Variants in AMD1 observed in about 807,000 individuals in gnomAD.
The protein encoded by AMD1 is S-adenosylmethionine decarboxylase proenzyme.
Under a neutral mutation model 40.2 loss-of-function variants are expected in AMD1, and 11 were observed. That is an observed-to-expected ratio of 0.27 (90% CI 0.17 to 0.45). The LOEUF (loss-of-function observed/expected upper bound fraction) is 0.45, where lower values mean the gene tolerates loss of function less well. Ranked by LOEUF, AMD1 falls within the 20% of genes least tolerant of loss-of-function variation. The pLI is 1.00. For synonymous variants in AMD1, 121 were observed against 130.8 expected, an observed-to-expected ratio of 0.93 and a Z score of 0.51; for missense variants, 257 against 410.2, an observed-to-expected ratio of 0.63 and a Z score of 3.23.
the AMD1 span, among the ~76,000 whole-genome samples, chr6:110,861,151 G>A: frequency 6.6e-6 from 1 of 152,150 alleles, no homozygotes; most frequent in Non-Finnish European, 1.5e-5. Context: ...GAGGTCAGGA[G>A]ATCGAGACCA....
At chr6:110,818,603 C>T in the AMD1 span, among the ~76,000 whole-genome samples, 10 of 152,192 alleles carry the variant, frequency 6.6e-5, no homozygotes, top group African/African-American at 7.2e-5. Context: ...TGCTGTGGCG[C>T]GATCTCACCT....
chr6:110,844,941 C>G, the AMD1 span, among the ~76,000 whole-genome samples: 1 of 151,716 alleles, frequency 6.6e-6, no homozygotes, highest in South Asian at 2.1e-4. Flanking sequence ...TTCTAATCAT[C>G]ACAGAAGGTG....
upstream of AMD1, among the ~76,000 whole-genome samples, chr6:110,870,478 C>T (rs1270205974): frequency 6.6e-6 from 1 of 152,022 alleles, no homozygotes; most frequent in Non-Finnish European, 1.5e-5. Flanking sequence ...CAAAAATTAG[C>T]CAGGCATGGT....
At chr6:110,885,636 T>A (rs1164878984) in intron 1 of AMD1, among the ~76,000 whole-genome samples, 3 of 152,188 alleles carry the variant, frequency 2.0e-5, no homozygotes, top group African/African-American at 7.2e-5. Flanking sequence ...ATCCCACATA[T>A]GTATTCTTTC....
chr6:110,829,112 G>A, the AMD1 span, among the ~76,000 whole-genome samples: 1 of 151,690 alleles, frequency 6.6e-6, no homozygotes, highest in African/African-American at 2.4e-5. Context: ...GGAGGTTGCA[G>A]TGAGCCGAGA....
At chr6:110,858,304 C>A in the AMD1 span, 1 of 814,678 alleles carries the variant, frequency 1.2e-6, no homozygotes, top group Non-Finnish European at 2.0e-6. Context: ...AGAACCGGCT[C>A]CTGTGCAAAT....
At chr6:110,826,700 T>C in the AMD1 span, among the ~76,000 whole-genome samples, 1 of 150,974 alleles carries the variant, frequency 6.6e-6, no homozygotes, top group Non-Finnish European at 1.5e-5. Context: ...TTTTTTTTTT[T>C]TTTTTGTGAG....
the AMD1 span, among the ~76,000 whole-genome samples, chr6:110,848,064 C>CTA: frequency 2.1e-3 from 314 of 152,034 alleles, 2 homozygotes; most frequent in African/African-American, 7.2e-3. Flanking sequence ...TAACTGGGTA[C>CTA]TATAGCCTTG....
chr6:110,876,497 G>C (rs939727516), intron 1 of AMD1, among the ~76,000 whole-genome samples: 2 of 152,226 alleles, frequency 1.3e-5, no homozygotes, highest in African/African-American at 4.8e-5. Context: ...AGGGAATCCA[G>C]GCAGACACGT....
At chr6:110,877,435 T>A (rs1583210728) in intron 1 of AMD1, among the ~76,000 whole-genome samples, 1 of 152,272 alleles carries the variant, frequency 6.6e-6, no homozygotes, top group South Asian at 2.1e-4. Flanking sequence ...GCAAAGAGAG[T>A]ATCATGGACG....
upstream of AMD1, among the ~76,000 whole-genome samples, chr6:110,870,009 C>T (rs1453911414): frequency 6.6e-6 from 1 of 152,154 alleles, no homozygotes; most frequent in Admixed American, 6.6e-5. Context: ...CCTCAGCCTC[C>T]CAAAGGGATG....
the AMD1 span, chr6:110,863,976 T>TG: frequency 2.2e-6 from 1 of 452,724 alleles, no homozygotes; most frequent in Non-Finnish European, 4.3e-6. Context: ...TTTTTTTTTT[T>TG]GAGACGGAGT....
At chr6:110,856,786 A>C in the AMD1 span, among the ~76,000 whole-genome samples, 2 of 152,330 alleles carry the variant, frequency 1.3e-5, no homozygotes, top group East Asian at 3.9e-4. Flanking sequence ...GGAGGGAAGA[A>C]GGGTCAGATC....
the AMD1 span, among the ~76,000 whole-genome samples, chr6:110,817,279 G>T: frequency 6.6e-6 from 1 of 152,144 alleles, no homozygotes; most frequent in African/African-American, 2.4e-5. Flanking sequence ...TACCTTATTT[G>T]CTACATCACC....
intron 1 of AMD1, among the ~76,000 whole-genome samples, chr6:110,880,149 G>T (rs1050960393): frequency 1.9e-4 from 29 of 152,128 alleles, no homozygotes; most frequent in African/African-American, 6.8e-4. Context: ...AAAAGACAGG[G>T]TTTCGCCATG....
At chr6:110,831,555 G>A in the AMD1 span, among the ~76,000 whole-genome samples, 7 of 151,740 alleles carry the variant, frequency 4.6e-5, no homozygotes, top group African/African-American at 1.2e-4. Context: ...TTCACCTTCC[G>A]AAGTGCCGGG....
chr6:110,877,157 C>T (rs1785156765), intron 1 of AMD1, among the ~76,000 whole-genome samples: 1 of 152,326 alleles, frequency 6.6e-6, no homozygotes, highest in Non-Finnish European at 1.5e-5. Context: ...ACAAAATATT[C>T]CCTTGTGTAG....
the AMD1 span, among the ~76,000 whole-genome samples, chr6:110,837,311 A>G: frequency 7.7e-6 from 1 of 129,486 alleles, no homozygotes. Flanking sequence ...ATTTAAAACT[A>G]AAAAAAAAAA....
chr6:110,887,346 C>CATGACA (rs1785754721), intron 1 of AMD1, among the ~76,000 whole-genome samples, 159 bp from the exon 2 acceptor site: 1 of 151,932 alleles, frequency 6.6e-6, no homozygotes, highest in Admixed American at 6.6e-5. Flanking sequence ...TATCATTTAT[C>CATGACA]TGGGTGTGTC....
Sources: gnomAD v4.1 joint callset for allele counts (sites outside exome capture counted in the v4.1 genomes callset) on GRCh38, gnomAD v4.1.1 for gene constraint, MANE v1.5 for transcripts, NCBI Gene and HGNC (gene_info 2026-07-23, HGNC 2026-07-21) for gene names.